TMEM74: variants seen among roughly 807,000 people sequenced by gnomAD.
TMEM74 encodes transmembrane protein 74.
In TMEM74, 13 loss-of-function variants were observed where a neutral mutation model predicts 18.1. That is an observed-to-expected ratio of 0.72 (90% confidence interval 0.47 to 1.14). The LOEUF is 1.14. Among genes scored for constraint, TMEM74 ranks in the 50% most tolerant of loss-of-function variants. TMEM74 has a pLI of 0.00. For missense variants in TMEM74, 372 were observed against 375.9 expected (o/e 0.99, Z 0.09); for synonymous variants, 159 against 146.6 (o/e 1.08, Z -0.61).
At position 108,707,181 on chromosome 8, in the gene TMEM74, G is replaced by GT. The variant is rs1813424155; in HGVS notation, n.120-51745dup. Among the ~76,000 whole-genome samples the GT allele has an allele frequency of 3.5e-5, 5 of 143,986 alleles. No homozygotes were observed. The Admixed American group carries it at 3.5e-4, about 10-fold the overall frequency. 94.5% of individuals were successfully genotyped at this position (143,986 alleles called of 152,430 possible). ...CGGGGAACATCACACACCGGGGCCT[G>GT]TCGGGGGGTGGGGGGTAGGGGGAGG... On this transcript the variant is annotated intron_variant and non_coding_transcript_variant, in intron 1 of 3. Coordinates refer to the TMEM74 transcript ENST00000518838.
rs183859298 is a variant in TMEM74, at chr8:108,760,344, A to T, written n.119+27132T>A. Among the ~76,000 whole-genome samples, 372 of 152,178 alleles carry T rather than the reference A, an allele frequency of 2.4e-3. 1 individual carries two copies. The highest frequency in any genetic ancestry group is 3.5e-3 in the Non-Finnish European group (239 of 67,976). ...GTCAGCCAGTCTCTTGGGACTGGTG[A>T]TCTGGGTTGAAAAGCCAAGTGCACC... On this transcript the variant is annotated intron_variant and non_coding_transcript_variant, in intron 1 of 3. Transcript: ENST00000518838.
At chr8:108,706,858 C>T (rs1054503380) in intron 1 of TMEM74, among the ~76,000 whole-genome samples, 3 of 149,474 alleles carry the variant, frequency 2.0e-5, no homozygotes, top group Admixed American at 6.7e-5. Flanking sequence ...TTGGTGATAT[C>T]CAAGACACTA....
At chr8:108,775,593 C>T (rs1192458384), downstream of TMEM74, among the ~76,000 whole-genome samples, 2 of 152,192 alleles carry the variant, frequency 1.3e-5, no homozygotes, top group Non-Finnish European at 2.9e-5. Flanking sequence ...TTCTCTTTTT[C>T]AGCTCAACGA....
chr8:108,694,462 A>G (rs1813261502), intron 1 of TMEM74, among the ~76,000 whole-genome samples: 2 of 152,240 alleles, frequency 1.3e-5, no homozygotes, highest in Admixed American at 6.5e-5. Flanking sequence ...ATTTATATGA[A>G]ATATCCATAA....
intron 1 of TMEM74, among the ~76,000 whole-genome samples, chr8:108,678,697 T>G (rs1252350549): frequency 6.6e-6 from 1 of 151,138 alleles, no homozygotes; most frequent in Non-Finnish European, 1.5e-5. Context: ...AAAGCTGACT[T>G]TATTGCTTTA....
chr8:108,673,850 C>G (rs2130592385), intron 1 of TMEM74, among the ~76,000 whole-genome samples: 1 of 152,304 alleles, frequency 6.6e-6, no homozygotes, highest in South Asian at 2.1e-4. Context: ...TAGTGGAACA[C>G]TGTTATCACA....
chr8:108,688,070 A>G (rs1813189292), intron 1 of TMEM74, among the ~76,000 whole-genome samples: 1 of 152,226 alleles, frequency 6.6e-6, no homozygotes, highest in South Asian at 2.1e-4. Context: ...GTTCATTAGT[A>G]TTGAGGTGAA....
chr8:108,658,700 G>T (rs372503726), intron 1 of TMEM74, among the ~76,000 whole-genome samples: 1 of 152,192 alleles, frequency 6.6e-6, no homozygotes, highest in Non-Finnish European at 1.5e-5. Flanking sequence ...TCCTGGTTGA[G>T]CCTCTTCGTA....
At chr8:108,778,873 G>A (rs891466355), downstream of TMEM74, among the ~76,000 whole-genome samples, 2 of 152,060 alleles carry the variant, frequency 1.3e-5, no homozygotes, top group African/African-American at 4.8e-5. Context: ...GTAATTTAGA[G>A]AAACCCAAAT....
intron 1 of TMEM74, among the ~76,000 whole-genome samples, chr8:108,708,809 C>CAAAAAA (rs71564016): frequency 0.031 from 555 of 17,784 alleles, 33 homozygotes; most frequent in East Asian, 0.077. Context: ...AACTCAATAG[C>CAAAAAA]AAAAAAAAAA....
At chr8:108,702,555 A>G (rs946594942) in intron 1 of TMEM74, among the ~76,000 whole-genome samples, 1 of 152,130 alleles carries the variant, frequency 6.6e-6, no homozygotes, top group Non-Finnish European at 1.5e-5. Flanking sequence ...TCATAGACCT[A>G]TATGTAAAAC....
chr8:108,743,977 G>C (rs981140519), intron 1 of TMEM74, among the ~76,000 whole-genome samples: 1 of 152,134 alleles, frequency 6.6e-6, no homozygotes, highest in Admixed American at 6.5e-5. Flanking sequence ...TGGCAACCAA[G>C]GTACTCAATC....
intron 1 of TMEM74, among the ~76,000 whole-genome samples, chr8:108,669,064 T>C (rs2130587853): frequency 6.6e-6 from 1 of 152,150 alleles, no homozygotes; most frequent in East Asian, 1.9e-4. Context: ...TCTTGGCTCC[T>C]TACACACCCT....
intron 1 of TMEM74, among the ~76,000 whole-genome samples, chr8:108,750,629 G>A (rs980858890): frequency 8.5e-5 from 13 of 152,050 alleles, no homozygotes; most frequent in African/African-American, 2.7e-4. Flanking sequence ...AACTTCCTGG[G>A]CATACACATT....
chr8:108,681,199 G>A (rs943135023), intron 1 of TMEM74, among the ~76,000 whole-genome samples: 9 of 152,192 alleles, frequency 5.9e-5, no homozygotes, highest in East Asian at 1.9e-4. Flanking sequence ...AAAAGAGCCC[G>A]CATCGCCAAG....
At chr8:108,752,531 A>G (rs1387526401) in intron 1 of TMEM74, among the ~76,000 whole-genome samples, 1 of 152,182 alleles carries the variant, frequency 6.6e-6, no homozygotes, top group African/African-American at 2.4e-5. Context: ...GTCCACATGT[A>G]TGATCTAACA....
At chr8:108,648,737 G>C (rs1812744943) in intron 2 of TMEM74, among the ~76,000 whole-genome samples, 1 of 152,016 alleles carries the variant, frequency 6.6e-6, no homozygotes, top group African/African-American at 2.4e-5. Context: ...TCTAGAGAAG[G>C]CAAGGAAGTA....
intron 2 of TMEM74, chr8:108,608,906 GTGTT>G (rs555028825): frequency 6.6e-6 from 1 of 152,196 alleles, no homozygotes; most frequent in African/African-American, 2.4e-5. Flanking sequence ...AGGAAAAAAA[GTGTT>G]TGGCCAGATG....
intron 2 of TMEM74, among the ~76,000 whole-genome samples, chr8:108,632,365 G>T (rs989863735): frequency 3.3e-5 from 5 of 151,856 alleles, no homozygotes; most frequent in Non-Finnish European, 7.4e-5. Context: ...TCTTATCACA[G>T]ATAACAATAA....
Sources: allele counts gnomAD v4.1 joint callset (sites outside exome capture counted in the v4.1 genomes callset), GRCh38; gene constraint gnomAD v4.1.1; transcripts MANE v1.5; gene names NCBI Gene and HGNC (gene_info 2026-07-23, HGNC 2026-07-21).